APBB2: variants seen among roughly 807,000 people sequenced by gnomAD.
APBB2 encodes the protein Fe65-like 1.
In APBB2, 38 loss-of-function variants were observed where a neutral mutation model predicts 82.5. The ratio of observed to expected loss-of-function variants is 0.46; its 90% CI spans 0.36 to 0.60. The LOEUF (loss-of-function observed/expected upper bound fraction) is 0.60. Among genes scored for constraint, APBB2 ranks in the 20% least tolerant of loss-of-function variants. The pLI, the probability that APBB2 is intolerant of heterozygous loss-of-function variation, is 0.00. For missense variants in APBB2, 772 were observed against 972.3 expected, an observed-to-expected ratio of 0.79 and a Z score of 2.74; for synonymous variants, 341 against 368.2, an observed-to-expected ratio of 0.93 and a Z score of 0.85.
At chr4:40,900,458 T>TC (rs1394844975) in intron 10 of APBB2, among the ~76,000 whole-genome samples, 2 of 149,970 alleles carry the variant, frequency 1.3e-5, no homozygotes, top group Non-Finnish European at 3.0e-5. Context: ...AAGGAGGTTT[T>TC]TTTTTTTTTT....
At chr4:41,084,615 T>C (rs1477068665) in intron 3 of APBB2, 1 of 152,204 alleles carries the variant, frequency 6.6e-6, no homozygotes, top group East Asian at 1.9e-4. Flanking sequence ...AATTGCTTGC[T>C]TTGACAGCAC....
intron 1 of APBB2, among the ~76,000 whole-genome samples, chr4:41,180,290 T>C (rs1770966344): frequency 6.6e-6 from 1 of 152,202 alleles, no homozygotes; most frequent in African/African-American, 2.4e-5. Flanking sequence ...TGGGGTTATG[T>C]GTGCTTGATT....
At chr4:40,856,816 G>A (rs1761347926) in intron 12 of APBB2, among the ~76,000 whole-genome samples, 1 of 152,206 alleles carries the variant, frequency 6.6e-6, no homozygotes, top group African/African-American at 2.4e-5. Context: ...TCCCACCGGC[G>A]GGGCAGAAAG....
chr4:40,817,985 T>G (rs950873028), intron 17 of APBB2, among the ~76,000 whole-genome samples: 12 of 152,174 alleles, frequency 7.9e-5, no homozygotes, highest in Admixed American at 3.3e-4. Context: ...ACATCCAGTG[T>G]GAATCAAAAC....
At chr4:40,895,483 A>G (rs781495135) in intron 10 of APBB2, among the ~76,000 whole-genome samples, 108 of 152,248 alleles carry the variant, frequency 7.1e-4, no homozygotes, top group Non-Finnish European at 1.2e-3. Flanking sequence ...ATTCAGAGCT[A>G]GCCAGGTCTT....
intron 4 of APBB2, among the ~76,000 whole-genome samples, chr4:41,042,988 TA>T (rs1722093276): frequency 6.6e-6 from 1 of 152,238 alleles, no homozygotes; most frequent in Non-Finnish European, 1.5e-5. Context: ...AAGAAAGGTA[TA>T]ATGCTATGTG....
chr4:40,873,307 A>G (rs1419718541), intron 12 of APBB2, among the ~76,000 whole-genome samples: 1 of 152,162 alleles, frequency 6.6e-6, no homozygotes, highest in Non-Finnish European at 1.5e-5. Context: ...TACAGTGTAG[A>G]CATATTTAAA....
At position 40,813,100 on chromosome 4, in the gene APBB2, AAT is replaced by A. The variant is rs1429519436; in HGVS notation, c.*2990_*2991del. ...TGTGTCTATCTAGCTGCTTTTAAAA[AAT>A]AAAAGGAACTTTAAGCATTTTGCCT... On this transcript the variant is annotated 3_prime_UTR_variant, in exon 18 of 18. Coordinates refer to ENST00000508593, the MANE Select transcript of APBB2 (RefSeq NM_004307.2). 1 of 152,206 alleles carries A rather than the reference AAT, an allele frequency of 6.6e-6. No homozygotes were observed. Among genetic ancestry groups the A allele is most frequent in the Non-Finnish European group, 1.5e-5 (1 of 68,044 alleles). The allele number at this position is 152,206 out of a possible 1,614,324, so 9.4% of individuals were successfully genotyped here.
intron 1 of APBB2, among the ~76,000 whole-genome samples, chr4:41,164,260 C>A (rs554356911): frequency 6.6e-6 from 1 of 152,282 alleles, no homozygotes; most frequent in South Asian, 2.1e-4. Flanking sequence ...TTCCCTCTTG[C>A]GGCATCACAA....
At chr4:40,900,546 C>T (rs981512364) in intron 10 of APBB2, among the ~76,000 whole-genome samples, 1 of 150,794 alleles carries the variant, frequency 6.6e-6, no homozygotes, top group South Asian at 2.1e-4. Context: ...ACCTCTGCCT[C>T]CTGGGTTCAA....
intron 3 of APBB2, among the ~76,000 whole-genome samples, chr4:41,072,503 T>C (rs1270478610): frequency 1.3e-5 from 2 of 151,700 alleles, no homozygotes; most frequent in African/African-American, 4.8e-5. Flanking sequence ...AATAAAATAA[T>C]GAAGTGTAAG....
chr4:40,991,570 C>T (rs1802106373), intron 6 of APBB2, among the ~76,000 whole-genome samples: 2 of 152,044 alleles, frequency 1.3e-5, no homozygotes, highest in African/African-American at 4.8e-5. Context: ...CTAACTATAG[C>T]AATTTCCTCC....
At position 41,014,268 on chromosome 4, in the gene APBB2, G is replaced by A. The variant is rs751805016; in HGVS notation, c.150C>T (p.Asn50=). Residue 50 remains asparagine, a synonymous_variant, in exon 6 of 18, where the codon AAC becomes AAT. Transcript: ENST00000508593. ...TGGTTTCTGTGTGTTTTATTTCAGC[G>A]TTCAACAGTTCATTGTGGGAGGATC... is the stretch of plus-strand genomic sequence containing the variant. ...NLRSSHNELL[N]AEIKHTETKN... is the part of the protein sequence containing the mutation. The A allele has an allele frequency of 1.5e-5, 24 of 1,614,016 alleles. No homozygotes were observed. Among genetic ancestry groups the A allele is most frequent in the East Asian group, 1.1e-4 (5 of 44,896 alleles).
chr4:40,922,152 T>G (rs997926007), intron 10 of APBB2, among the ~76,000 whole-genome samples: 1 of 152,230 alleles, frequency 6.6e-6, no homozygotes, highest in African/African-American at 2.4e-5. Flanking sequence ...AGTGAACTCA[T>G]CTAACCGAAC....
intron 1 of APBB2, among the ~76,000 whole-genome samples, chr4:41,162,198 CTT>C (rs563526597): frequency 0.038 from 5,149 of 135,690 alleles, 288 homozygotes; most frequent in African/African-American, 0.13. Flanking sequence ...ATTTCCCCGT[CTT>C]TTTTTTTTTT....
chr4:40,827,026 G>A, intron 14 of APBB2, 106 bp downstream of exon 14: 13 of 998,966 alleles, frequency 1.3e-5, no homozygotes, highest in Non-Finnish European at 1.8e-5. Context: ...TGAGTTGAGT[G>A]TGCTCTTTAA....
chr4:41,185,718 GC>G (rs146095669), intron 1 of APBB2, among the ~76,000 whole-genome samples: 3,641 of 152,066 alleles, frequency 0.024, 72 homozygotes, highest in Middle Eastern at 0.051. Context: ...GATTTTCCAT[GC>G]CCTATAACCG....
intron 10 of APBB2, among the ~76,000 whole-genome samples, chr4:40,917,499 C>A (rs1780145423): frequency 6.7e-6 from 1 of 149,972 alleles, no homozygotes; most frequent in East Asian, 2.0e-4. Context: ...TCCCACAATA[C>A]CTAGGTAAGT....
In APBB2 at chr4:40,810,909, C is replaced by CTT. The variant is rs1744275904; in HGVS notation, c.*5181_*5182dup. 1 of 152,186 alleles carries CTT rather than the reference C, an allele frequency of 6.6e-6. No homozygotes were observed. The allele number at this position is 152,186 out of a possible 1,614,324, so 9.4% of individuals were successfully genotyped here. On this transcript the variant is annotated 3_prime_UTR_variant, in exon 18 of 18. Transcript: ENST00000508593. ...ATCCCATTGTGTATCATAAGAATCC[C>CTT]TTATCCTTTTCGGGCCCTCCACCAT...
Sources: allele counts gnomAD v4.1 joint callset (sites outside exome capture counted in the v4.1 genomes callset), GRCh38; gene constraint gnomAD v4.1.1; transcripts MANE v1.5; gene names NCBI Gene and HGNC (gene_info 2026-07-23, HGNC 2026-07-21).